The following ARHGAP6 variants were observed in gnomAD, a reference collection of about 807,000 sequenced individuals.
ARHGAP6 encodes rho GTPase-activating protein 6.
In ARHGAP6, 16 loss-of-function variants were observed where a neutral mutation model predicts 55.7. The ratio of observed to expected loss-of-function variants is 0.29; its 90% CI spans 0.19 to 0.44. ARHGAP6 has a LOEUF of 0.44. ARHGAP6 is among the 20% of genes least tolerant of loss of function. ARHGAP6 has a pLI of 1.00. For missense variants in ARHGAP6, 698 were observed against 808.9 expected, an observed-to-expected ratio of 0.86 and a Z score of 1.66; for synonymous variants, 382 against 360.9, an observed-to-expected ratio of 1.06 and a Z score of -0.66.
intron 1 of ARHGAP6, among the ~76,000 whole-genome samples, chrX:11,659,368 CAG>C (rs1395977819): frequency 2.7e-5 from 3 of 110,880 alleles, no homozygotes; most frequent in African/African-American, 6.6e-5. Context: ...CTCTCTACAG[CAG>C]AGTTTCTCAG....
chrX:11,152,237 A>C lies in ARHGAP6; in HGVS notation c.1907+4292T>G, dbSNP rs771588418. On this transcript the variant is annotated intron_variant, in intron 10 of 12. Coordinates refer to ENST00000337414, the MANE Select transcript of ARHGAP6 (RefSeq NM_013427.3). ...ATAGAAATGGAATTGAAACGTAGGCAATCTGGCTCTGGATCTGAAATGGTA... is the reference window on the plus strand; with the variant it reads ...ATAGAAATGGAATTGAAACGTAGGCCATCTGGCTCTGGATCTGAAATGGTA... Among the ~76,000 whole-genome samples the C allele has an allele frequency of 6.2e-5, 7 of 112,442 alleles. No homozygotes were observed. The East Asian group carries it at 1.1e-3, about 18-fold the overall frequency.
chrX:11,298,495 C>A, intron 1 of ARHGAP6: 1 of 1,201,428 alleles, frequency 8.3e-7, no homozygotes. Flanking sequence ...TGCTGCTTCT[C>A]TGGTTGGAGT....
Position 11,616,620 on chromosome X carries a change from G to A in ARHGAP6, c.588+47621C>T, listed in dbSNP as rs577631640. 8.9e-5 allele frequency among the ~76,000 whole-genome samples: 10 copies of A among 111,787 alleles called. No homozygotes were observed. In the South Asian group the frequency reaches 1.1e-3, roughly 13 times the overall value. Reference sequence around the variant, plus strand: ...TAGGATTACAGGTGTGAGCAACTCCGCCCAGCCAACCTCTTTTCTTAATAA... The same window carrying A: ...TAGGATTACAGGTGTGAGCAACTCCACCCAGCCAACCTCTTTTCTTAATAA... On this transcript the variant is annotated intron_variant, in intron 1 of 12. Coordinates refer to ENST00000337414, the MANE Select transcript of ARHGAP6 (RefSeq NM_013427.3).
intron 1 of ARHGAP6, among the ~76,000 whole-genome samples, chrX:11,630,689 G>A (rs368204488): frequency 1.8e-5 from 2 of 111,925 alleles, no homozygotes; most frequent in East Asian, 2.8e-4. Context: ...CTGGACAGGC[G>A]GAGAATGAGT....
chrX:11,492,720 GGAGA>G (rs2050583597), intron 1 of ARHGAP6, among the ~76,000 whole-genome samples: 1 of 102,763 alleles, frequency 9.7e-6, no homozygotes, highest in Non-Finnish European at 2.1e-5. Flanking sequence ...GAGAGAAAGA[GGAGA>G]GAGAAAGAAT....
At chrX:11,271,489 G>A (rs934603959) in intron 1 of ARHGAP6, among the ~76,000 whole-genome samples, 1 of 108,317 alleles carries the variant, frequency 9.2e-6, no homozygotes, top group Admixed American at 9.9e-5. Context: ...TTCTCAGTGG[G>A]GTTCTTCTCT....
chrX:11,496,120 C>T (rs1287786141), intron 1 of ARHGAP6, among the ~76,000 whole-genome samples: 1 of 112,583 alleles, frequency 8.9e-6, no homozygotes, highest in Admixed American at 9.4e-5. Flanking sequence ...GCAAAGAAAT[C>T]AGCTAAACTG....
At chrX:11,595,585 T>A (rs2051892077) in intron 1 of ARHGAP6, among the ~76,000 whole-genome samples, 3 of 111,783 alleles carry the variant, frequency 2.7e-5, no homozygotes, top group African/African-American at 9.8e-5. Flanking sequence ...TGGGATCTAA[T>A]TAAACTGAAG....
At chrX:11,276,104 C>G (rs1054346590) in intron 1 of ARHGAP6, among the ~76,000 whole-genome samples, 28 of 111,055 alleles carry the variant, frequency 2.5e-4, no homozygotes, top group Non-Finnish European at 1.3e-4. Flanking sequence ...CTTGTGATGT[C>G]TCATTGAGGG....
At chrX:11,280,026 G>T (rs1406214281) in intron 1 of ARHGAP6, among the ~76,000 whole-genome samples, 2 of 111,233 alleles carry the variant, frequency 1.8e-5, no homozygotes, top group Non-Finnish European at 3.8e-5. Flanking sequence ...AACTGAGGAG[G>T]AAAGTGCCAG....
intron 3 of ARHGAP6, among the ~76,000 whole-genome samples, chrX:11,191,827 T>C (rs1246754174): frequency 8.9e-6 from 1 of 111,767 alleles, no homozygotes. Flanking sequence ...GATCGCCATT[T>C]CCTGAAATGC....
At chrX:11,211,398 T>C (rs1197482931) in intron 2 of ARHGAP6, among the ~76,000 whole-genome samples, 3 of 107,843 alleles carry the variant, frequency 2.8e-5, no homozygotes, top group African/African-American at 1.0e-4. Flanking sequence ...GCCTGGCTAA[T>C]TTTTTGTATT....
At chrX:11,165,223 T>C (rs1041282796) in intron 9 of ARHGAP6, among the ~76,000 whole-genome samples, 1 of 112,142 alleles carries the variant, frequency 8.9e-6, no homozygotes, top group African/African-American at 3.2e-5. Context: ...TTTTGCCATA[T>C]ACTTTCTAGG....
chrX:11,152,943 G>A (rs5934965), intron 10 of ARHGAP6, among the ~76,000 whole-genome samples: 25,605 of 111,187 alleles, frequency 0.23, 2,218 homozygotes, highest in Middle Eastern at 0.31. Flanking sequence ...TTGTTCTTCA[G>A]GCTCCCAGGT....
chrX:11,626,809 G>T (rs2052304349), intron 1 of ARHGAP6, among the ~76,000 whole-genome samples: 1 of 111,192 alleles, frequency 9.0e-6, no homozygotes, highest in African/African-American at 3.3e-5. Context: ...TTTTCTGAAG[G>T]CCACAATCAA....
intron 1 of ARHGAP6, among the ~76,000 whole-genome samples, chrX:11,375,021 A>T (rs184372462): frequency 8.9e-6 from 1 of 112,195 alleles, no homozygotes; most frequent in East Asian, 2.8e-4. Context: ...TATTTTATTC[A>T]CTGATGTATT....
chrX:11,563,937 G>C (rs1487529476), intron 1 of ARHGAP6, among the ~76,000 whole-genome samples: 1 of 110,878 alleles, frequency 9.0e-6, no homozygotes, highest in Admixed American at 9.6e-5. Flanking sequence ...TTTTAGTCTA[G>C]AGATCTAAAG....
At chrX:11,322,735 G>T (rs766722806) in intron 1 of ARHGAP6, among the ~76,000 whole-genome samples, 2 of 112,246 alleles carry the variant, frequency 1.8e-5, no homozygotes, top group East Asian at 2.8e-4. Flanking sequence ...CCTAAGTGTT[G>T]TATGTACACA....
intron 1 of ARHGAP6, among the ~76,000 whole-genome samples, chrX:11,303,145 T>C (rs1326892138): frequency 8.9e-6 from 1 of 112,888 alleles, no homozygotes; most frequent in Non-Finnish European, 1.9e-5. Flanking sequence ...TAGCATTTAG[T>C]AGTACTCCAC....
Sources: allele counts gnomAD v4.1 joint callset (sites outside exome capture counted in the v4.1 genomes callset), GRCh38; gene constraint gnomAD v4.1.1; transcripts MANE v1.5; gene names NCBI Gene and HGNC (gene_info 2026-07-23, HGNC 2026-07-21).